The following USP8 variants were observed in gnomAD, a reference collection of about 807,000 sequenced individuals.
USP8 encodes ubiquitin carboxyl-terminal hydrolase 8.
In USP8, 27 loss-of-function variants were observed where a neutral mutation model predicts 130.0. The observed-to-expected ratio is 0.21, with a 90% confidence interval of 0.15 to 0.29. USP8 has a LOEUF of 0.29. USP8 is among the 10% of genes least tolerant of loss of function. The pLI, the probability that USP8 is intolerant of heterozygous loss-of-function variation, is 1.00. For synonymous variants in USP8, 392 were observed against 444.1 expected (o/e 0.88, Z 1.48); for missense variants, 1,029 against 1,312.2 (o/e 0.78, Z 3.33).
chr15:50,431,913 C>T (rs929025749), intron 1 of USP8, among the ~76,000 whole-genome samples: 5 of 152,186 alleles, frequency 3.3e-5, no homozygotes, highest in Admixed American at 6.6e-5. Flanking sequence ...GCCTCAGCCT[C>T]CCAAAGTGCT....
At chr15:50,487,137 A>C (rs1195920037) in intron 12 of USP8, among the ~76,000 whole-genome samples, 2 of 152,118 alleles carry the variant, frequency 1.3e-5, no homozygotes, top group Non-Finnish European at 2.9e-5. Flanking sequence ...AAAAAAAAAA[A>C]ACAACTTATT....
chr15:50,487,274 A>C (rs1566882320), intron 12 of USP8, among the ~76,000 whole-genome samples: 1 of 152,200 alleles, frequency 6.6e-6, no homozygotes, highest in East Asian at 1.9e-4. Flanking sequence ...GCCTTACAAA[A>C]ATTAAGAACT....
intron 1 of USP8, among the ~76,000 whole-genome samples, chr15:50,436,877 C>G (rs778594251): frequency 3.3e-5 from 5 of 152,120 alleles, no homozygotes; most frequent in Non-Finnish European, 7.4e-5. Flanking sequence ...ACCATGTTGA[C>G]CAGGCTGGAC....
rs886614546 is a variant in USP8 at position 50,514,403 on chromosome 15, A to G, written c.*15315A>G. 6.6e-6 allele frequency: 1 copy of G among 152,148 alleles called. No homozygotes were observed. Among genetic ancestry groups the G allele is most frequent in the Non-Finnish European group, 1.5e-5 (1 of 68,050 alleles). The allele number at this position is 152,148 out of a possible 1,614,324, so 9.4% of individuals were successfully genotyped here. A position where few individuals can be genotyped will look rare whatever the true frequency, so the allele number is the denominator to read the frequency against. On this transcript the variant is annotated 3_prime_UTR_variant, in exon 20 of 20. Coordinates refer to ENST00000307179, the MANE Select transcript of USP8 (RefSeq NM_005154.5). Reference sequence around the variant, plus strand: ...TTCTGTATATATGTTTCACTTCAATAAAGTTTATTTTTGGTCAAGGGCAGT... The same window carrying G: ...TTCTGTATATATGTTTCACTTCAATGAAGTTTATTTTTGGTCAAGGGCAGT...
At chr15:50,467,556 T>G (rs1409800242) in intron 7 of USP8, among the ~76,000 whole-genome samples, 2 of 152,114 alleles carry the variant, frequency 1.3e-5, no homozygotes, top group African/African-American at 2.4e-5. Context: ...TCATTATCTA[T>G]TTTTATTTAT....
At position 50,465,103 on chromosome 15, in the gene USP8, A is replaced by G. The variant is rs754887241; in HGVS notation, c.598A>G (p.Ile200Val). ...TMMTDKNISL[I>V]IMDARRMQDY... ...GATGACGGATAAAAACATCAGCTTG[A>G]TTATAATGGATGCTCGAAGAATGCA... Residue 200 changes from isoleucine to valine, a missense_variant, in exon 7 of 20, where the codon ATT becomes GTT. Coordinates refer to ENST00000307179, the MANE Select transcript of USP8 (RefSeq NM_005154.5). The G allele has an allele frequency of 1.9e-6, 3 of 1,614,018 alleles. No individual in the cohort carries two copies. The highest frequency in any genetic ancestry group is 2.7e-5 in the African/African-American group (2 of 74,938).
Position 50,477,461 on chromosome 15 carries a change from A to G in USP8, c.1180A>G (p.Ile394Val), listed in dbSNP as rs1316439497. ...VAASKSDVSP[I>V]IQPVPSIKNV... ...TGCTTCTAAATCTGATGTTTCACCC[A>G]TAATTCAGCCAGTGCCTAGTATAAA... The change falls in exon 10 of 20, where the codon ATA (isoleucine) becomes GTA (valine). Residue 394 changes from isoleucine (I) to valine (V), a missense_variant. By Grantham distance (29) the Ile-to-Val change is conservative. Transcript: ENST00000307179. The G allele has an allele frequency of 1.9e-6, 3 of 1,614,014 alleles. No homozygotes were observed. Among genetic ancestry groups the G allele is most frequent in the Non-Finnish European group, 1.7e-6 (2 of 1,180,026 alleles).
chr15:50,484,482 C>G, intron 12 of USP8, 121 bp downstream of exon 12: 1 of 743,696 alleles, frequency 1.3e-6, no homozygotes, highest in Non-Finnish European at 2.1e-6. Context: ...GGGATCGTTG[C>G]CATCTTTGGT....
chr15:50,425,607 T>C (rs901880700), intron 1 of USP8, among the ~76,000 whole-genome samples: 4 of 152,172 alleles, frequency 2.6e-5, no homozygotes, highest in Non-Finnish European at 5.9e-5. Context: ...GTATTCCTTT[T>C]CTTGTGACAC....
chr15:50,451,253 C>CAA (rs1027509963), intron 4 of USP8, among the ~76,000 whole-genome samples: 3 of 151,914 alleles, frequency 2.0e-5, no homozygotes, highest in Non-Finnish European at 2.9e-5. Context: ...ACTGAAAATG[C>CAA]AAAAAAAGTT....
chr15:50,426,053 G>T (rs1027223733), intron 1 of USP8, among the ~76,000 whole-genome samples: 2 of 152,186 alleles, frequency 1.3e-5, no homozygotes, highest in Non-Finnish European at 2.9e-5. Context: ...CCTGGAAAGC[G>T]AAGGTTGCAG....
At chr15:50,463,202 TCA>T (rs1019833531) in intron 6 of USP8, among the ~76,000 whole-genome samples, 35 of 152,110 alleles carry the variant, frequency 2.3e-4, no homozygotes, top group African/African-American at 7.7e-4. Flanking sequence ...TGAGCCACGA[TCA>T]CACCACTGTA....
intron 1 of USP8, among the ~76,000 whole-genome samples, chr15:50,435,211 A>G (rs2050059177): frequency 1.3e-5 from 2 of 152,228 alleles, no homozygotes; most frequent in African/African-American, 4.8e-5. Flanking sequence ...AAATTCACAT[A>G]GATTGAGGTT....
At chr15:50,460,714 A>G (rs2141280021) in intron 5 of USP8, among the ~76,000 whole-genome samples, 1 of 152,274 alleles carries the variant, frequency 6.6e-6, no homozygotes, top group East Asian at 1.9e-4. Flanking sequence ...GCCAGCTATC[A>G]CCGTACCTCC....
chr15:50,480,633 A>C (rs958223707), intron 10 of USP8, among the ~76,000 whole-genome samples: 26 of 149,874 alleles, frequency 1.7e-4, no homozygotes, highest in African/African-American at 6.1e-4. Flanking sequence ...TCTTGGAATA[A>C]TTTTTTTTTT....
intron 3 of USP8, among the ~76,000 whole-genome samples, chr15:50,445,009 CG>C (rs1555527769): frequency 6.6e-6 from 1 of 151,806 alleles, no homozygotes; most frequent in Non-Finnish European, 1.5e-5. Context: ...CTGCCTGCCT[CG>C]GCCTCCCAAA....
intron 4 of USP8, among the ~76,000 whole-genome samples, chr15:50,453,502 C>T (rs1034065252): frequency 8.5e-5 from 13 of 152,198 alleles, no homozygotes; most frequent in South Asian, 8.3e-4. Context: ...AAAGATGTTG[C>T]GTCCTTTTAA....
At chr15:50,481,440 A>G in intron 10 of USP8, 41 bp from the exon 11 acceptor site, 2 of 1,427,796 alleles carry the variant, frequency 1.4e-6, no homozygotes, top group Non-Finnish European at 1.9e-6. Flanking sequence ...TTATTTCCTG[A>G]TTTTTGACAA....
intron 4 of USP8, among the ~76,000 whole-genome samples, chr15:50,453,385 C>T (rs1365599993): frequency 6.6e-6 from 1 of 152,234 alleles, no homozygotes; most frequent in East Asian, 1.9e-4. Context: ...TTCTAATTTC[C>T]CTTTCTTCCT....
Sources: gnomAD v4.1 joint callset for allele counts (sites outside exome capture counted in the v4.1 genomes callset) on GRCh38, gnomAD v4.1.1 for gene constraint, MANE v1.5 for transcripts, NCBI Gene and HGNC (gene_info 2026-07-23, HGNC 2026-07-21) for gene names.